Variants in NLGN4X observed in about 807,000 individuals in gnomAD.
The protein encoded by NLGN4X is neuroligin 4 X-linked, also known as neuroligin-4, X-linked.
NLGN4X carries 3 observed loss-of-function variants against 40.3 expected under a neutral mutation model. That is an observed-to-expected ratio of 0.07 (90% confidence interval 0.03 to 0.19). NLGN4X has a LOEUF of 0.19. Ranked by LOEUF, NLGN4X falls within the 10% of genes least tolerant of loss-of-function variation. NLGN4X has a pLI of 1.00. For synonymous variants in NLGN4X, 270 were observed against 306.8 expected (o/e 0.88, Z 1.25); for missense variants, 382 against 708.3 (o/e 0.54, Z 5.23).
chrX:6,103,023 G>A (rs1341350989), intron 2 of NLGN4X, among the ~76,000 whole-genome samples: 3 of 111,658 alleles, frequency 2.7e-5, no homozygotes, highest in African/African-American at 6.5e-5. Context: ...AAATTACTAA[G>A]TTTGAAAACA....
intron 3 of NLGN4X, among the ~76,000 whole-genome samples, chrX:5,974,134 G>A (rs1336273411): frequency 8.9e-6 from 1 of 112,161 alleles, no homozygotes; most frequent in African/African-American, 3.2e-5. Flanking sequence ...AAGAAAGGTG[G>A]TCGCTGAAAC....
At chrX:6,144,264 T>C (rs2040004317) in intron 2 of NLGN4X, among the ~76,000 whole-genome samples, 1 of 111,822 alleles carries the variant, frequency 8.9e-6, no homozygotes, top group South Asian at 3.8e-4. Flanking sequence ...TAGAAATTCT[T>C]GGAAGTAGAA....
intron 3 of NLGN4X, among the ~76,000 whole-genome samples, chrX:5,956,425 G>A (rs2034496817): frequency 9.0e-6 from 1 of 111,237 alleles, no homozygotes; most frequent in Non-Finnish European, 1.9e-5. Flanking sequence ...TAATTGTGAA[G>A]TTTTGGAAGA....
intron 1 of NLGN4X, among the ~76,000 whole-genome samples, chrX:6,158,138 T>C (rs936208695): frequency 4.5e-5 from 5 of 111,910 alleles, no homozygotes; most frequent in Admixed American, 2.9e-4. Context: ...TTTGTGTTCA[T>C]CTCTCTCACC....
chrX:6,008,219 C>T (rs1404446303), intron 3 of NLGN4X, among the ~76,000 whole-genome samples: 1 of 112,011 alleles, frequency 8.9e-6, no homozygotes, highest in African/African-American at 3.2e-5. Context: ...CAAACTGAAA[C>T]TCTGTAACCA....
intron 1 of NLGN4X, among the ~76,000 whole-genome samples, chrX:6,182,270 G>T (rs1921536544): frequency 1.8e-5 from 2 of 111,755 alleles, no homozygotes; most frequent in Admixed American, 1.9e-4. Flanking sequence ...CTTCCATCGA[G>T]TATACAATGT....
chrX:6,096,880 A>G (rs767765197), intron 2 of NLGN4X, among the ~76,000 whole-genome samples: 8 of 111,047 alleles, frequency 7.2e-5, no homozygotes, highest in Non-Finnish European at 1.1e-4. Context: ...TAGATTGTGA[A>G]GGGAGGTTGG....
At chrX:5,975,606 C>A (rs778660977) in intron 3 of NLGN4X, among the ~76,000 whole-genome samples, 1 of 86,525 alleles carries the variant, frequency 1.2e-5, no homozygotes, top group African/African-American at 5.3e-5. Context: ...AAGCAAGACT[C>A]CGTTTCAAAA....
At chrX:6,215,196 C>G (rs2147888167) in intron 1 of NLGN4X, among the ~76,000 whole-genome samples, 1 of 112,171 alleles carries the variant, frequency 8.9e-6, no homozygotes, top group African/African-American at 3.2e-5. Context: ...CTGGCGTAAG[C>G]AGATATGTTA....
chrX:6,179,152 T>C (rs771639320), intron 1 of NLGN4X, among the ~76,000 whole-genome samples: 2 of 44,269 alleles, frequency 4.5e-5, no homozygotes, highest in Non-Finnish European at 8.6e-5. Flanking sequence ...ATTGACCTTT[T>C]TTGGTAGGGG....
At chrX:5,944,531 C>T (rs1313957051) in intron 3 of NLGN4X, among the ~76,000 whole-genome samples, 1 of 108,219 alleles carries the variant, frequency 9.2e-6, no homozygotes, top group Non-Finnish European at 1.9e-5. Context: ...CCCCTGTATT[C>T]CAGCACTTTG....
intron 3 of NLGN4X, among the ~76,000 whole-genome samples, chrX:6,009,074 T>C (rs1009068021): frequency 5.4e-5 from 6 of 111,742 alleles, no homozygotes; most frequent in Non-Finnish European, 9.4e-5. Context: ...GCAGTGTGTG[T>C]GTGTGTGTGT....
intron 3 of NLGN4X, among the ~76,000 whole-genome samples, chrX:5,979,849 C>A (rs2035329644): frequency 1.0e-5 from 1 of 96,093 alleles, no homozygotes; most frequent in African/African-American, 3.6e-5. Flanking sequence ...TCTATACACA[C>A]ACAGGGGTAA....
At chrX:6,203,785 C>A (rs113268014) in intron 1 of NLGN4X, among the ~76,000 whole-genome samples, 1,840 of 112,430 alleles carry the variant, frequency 0.016, 35 homozygotes, top group African/African-American at 0.054. Context: ...CTACACTGCT[C>A]CTAAATCCCT....
chrX:5,899,925 G>C (rs2031748289), intron 5 of NLGN4X, among the ~76,000 whole-genome samples: 1 of 112,140 alleles, frequency 8.9e-6, no homozygotes, highest in South Asian at 3.7e-4. Flanking sequence ...TTTTTAATGA[G>C]AGTAAGTAAA....
At chrX:6,158,047 C>T (rs2040308593) in intron 1 of NLGN4X, among the ~76,000 whole-genome samples, 1 of 112,028 alleles carries the variant, frequency 8.9e-6, no homozygotes, top group Non-Finnish European at 1.9e-5. Context: ...TGCGTTAATG[C>T]TTGATTTTCT....
chrX:6,137,464 CAA>C (rs2147647479), intron 2 of NLGN4X, among the ~76,000 whole-genome samples: 1 of 111,868 alleles, frequency 8.9e-6, no homozygotes, highest in African/African-American at 3.2e-5. Context: ...TAACACAAGT[CAA>C]CTCAAAACTC....
chrX:6,194,158 G>A (rs773875743), intron 1 of NLGN4X, among the ~76,000 whole-genome samples: 1 of 111,489 alleles, frequency 9.0e-6, no homozygotes, highest in Admixed American at 9.5e-5. Context: ...ACTACAGCCT[G>A]GGCGACAGAG....
At chrX:6,092,097 A>G (rs763886337) in intron 2 of NLGN4X, among the ~76,000 whole-genome samples, 1 of 108,095 alleles carries the variant, frequency 9.3e-6, no homozygotes, top group Non-Finnish European at 1.9e-5. Flanking sequence ...ATCAGCAGGT[A>G]ACACATCACT....
Sources: gnomAD v4.1 joint callset for allele counts (sites outside exome capture counted in the v4.1 genomes callset) on GRCh38, gnomAD v4.1.1 for gene constraint, MANE v1.5 for transcripts, NCBI Gene and HGNC (gene_info 2026-07-23, HGNC 2026-07-21) for gene names.